The following PHACTR2 variants were observed in gnomAD, a reference collection of about 807,000 sequenced individuals.
The protein encoded by PHACTR2 is chromosome 6 open reading frame 56.
Under a neutral mutation model 76.0 loss-of-function variants are expected in PHACTR2, and 30 were observed. The observed-to-expected ratio is 0.39, with a 90% CI of 0.30 to 0.54. The LOEUF (loss-of-function observed/expected upper bound fraction) is 0.54, where lower values mean the gene tolerates loss of function less well. Ranked by LOEUF, PHACTR2 falls within the 20% of genes least tolerant of loss-of-function variation. PHACTR2 has a pLI of 0.61. For synonymous variants in PHACTR2, 292 were observed against 292.5 expected (o/e 1.00, Z 0.02); for missense variants, 696 against 781.1 (o/e 0.89, Z 1.30).
chr6:143,724,252 C>T (rs1778507340), intron 2 of PHACTR2, among the ~76,000 whole-genome samples: 1 of 152,178 alleles, frequency 6.6e-6, no homozygotes, highest in East Asian at 1.9e-4. Context: ...TTGCCTCAGC[C>T]TCCCGAGTAG....
rs1398014275 is a variant in PHACTR2 at position 143,816,015 on chromosome 6, T to C, written c.1923-7659T>C. ...AATTCCATAACTTAAAAATAGCTTT[T>C]CCCCCATTCCCTCCCTCTCAACAGT... On this transcript the variant is annotated intron_variant, in intron 12 of 12. Coordinates refer to ENST00000440869, the MANE Select transcript of PHACTR2 (RefSeq NM_001100164.2). This position sits in a 1 kb window ranked among gnomAD's most constrained non-coding sequence, Gnocchi z 4.5. 1.3e-5 allele frequency among the ~76,000 whole-genome samples: 2 copies of C among 151,950 alleles called. No individual in the cohort carries two copies. The highest frequency in any genetic ancestry group is 2.9e-5 in the Non-Finnish European group (2 of 67,970).
intron 1 of PHACTR2, among the ~76,000 whole-genome samples, chr6:143,587,598 G>C (rs9496686): frequency 0.7 from 106,806 of 152,010 alleles, 37,930 homozygotes; most frequent in Middle Eastern, 0.8. Flanking sequence ...AGGTGAGATA[G>C]TTTTTTGTGG....
chr6:143,721,679 C>T (rs1434937192), intron 2 of PHACTR2, among the ~76,000 whole-genome samples: 2 of 151,646 alleles, frequency 1.3e-5, no homozygotes, highest in African/African-American at 4.8e-5. Flanking sequence ...GTGTGTATCT[C>T]CTAATTACAT....
intron 1 of PHACTR2, among the ~76,000 whole-genome samples, chr6:143,628,701 CATT>C (rs1289867938): frequency 6.6e-6 from 1 of 151,622 alleles, no homozygotes; most frequent in African/African-American, 2.4e-5. Context: ...TATAAGGTAC[CATT>C]TATAGGCTCT....
chr6:143,735,260 A>T (rs1003903386), intron 2 of PHACTR2, among the ~76,000 whole-genome samples: 1 of 152,140 alleles, frequency 6.6e-6, no homozygotes, highest in African/African-American at 2.4e-5. Flanking sequence ...GACAGGGCGT[A>T]AGAGGCTATA....
rs1469041241 is a variant in PHACTR2 at position 143,829,886 on chromosome 6, T to C, written c.*6197T>C. 6.6e-6 allele frequency: 1 copy of C among 152,218 alleles called. No individual in the cohort carries two copies. Among genetic ancestry groups the C allele is most frequent in the Non-Finnish European group, 1.5e-5 (1 of 68,034 alleles). 9.4% of individuals were successfully genotyped at this position (152,218 alleles called of 1,614,324 possible). A position where few individuals can be genotyped will look rare whatever the true frequency, so the allele number is the denominator to read the frequency against. On this transcript the variant is annotated 3_prime_UTR_variant, in exon 13 of 13. Coordinates refer to ENST00000440869, the MANE Select transcript of PHACTR2 (RefSeq NM_001100164.2). ...GCAGTATTTTTTTTTTAAGAATAAATTGTAAGGAGCAAATAAGGCAGAATG... is the reference window on the plus strand; with the variant it reads ...GCAGTATTTTTTTTTTAAGAATAAACTGTAAGGAGCAAATAAGGCAGAATG...
At chr6:143,670,951 T>C (rs1374395038) in intron 1 of PHACTR2, among the ~76,000 whole-genome samples, 1 of 149,474 alleles carries the variant, frequency 6.7e-6, no homozygotes, top group Non-Finnish European at 1.5e-5. Context: ...TGAAATGGAG[T>C]CTCGCTCTGC....
At position 143,684,705 on chromosome 6, in the gene PHACTR2, A is replaced by G. The variant is rs1424907665; in HGVS notation, c.46+6496A>G. On this transcript the variant is annotated intron_variant, in intron 1 of 12. Transcript: ENST00000440869. This position sits in a 1 kb window ranked among gnomAD's most constrained non-coding sequence, Gnocchi z 4.3. ...CATAGCCTCGTGAGAATTAGAAGTCACTTCCTCTGGGTGAGGCAGCTAGCT... is the reference window on the plus strand; with the variant it reads ...CATAGCCTCGTGAGAATTAGAAGTCGCTTCCTCTGGGTGAGGCAGCTAGCT... Among the ~76,000 whole-genome samples, 1 of 152,238 alleles carries G rather than the reference A, an allele frequency of 6.6e-6. No homozygotes were observed. Among genetic ancestry groups the G allele is most frequent in the Non-Finnish European group, 1.5e-5 (1 of 68,038 alleles).
At chr6:143,630,890 A>G (rs1222556931) in intron 1 of PHACTR2, among the ~76,000 whole-genome samples, 3 of 152,222 alleles carry the variant, frequency 2.0e-5, no homozygotes, top group African/African-American at 7.2e-5. Flanking sequence ...TCTCACAAAA[A>G]GTCATTCCTA....
rs994885732 is a variant in PHACTR2 at position 143,652,809 on chromosome 6, T to C, written c.13+44487T>C. Among the ~76,000 whole-genome samples the C allele has an allele frequency of 7.9e-5, 12 of 152,126 alleles. No homozygotes were observed. The highest frequency in any genetic ancestry group is 7.4e-5 in the Non-Finnish European group (5 of 68,004). ...ACACCTGGACCGCCTGCTCTGGTCA[T>C]GTGTGTGTGTGATCTATAATAGGGT... On this transcript the variant is annotated intron_variant, in intron 1 of 11. Coordinates refer to the PHACTR2 transcript ENST00000305766. This position sits in a 1 kb window ranked among gnomAD's most constrained non-coding sequence, Gnocchi z 4.5.
intron 6 of PHACTR2, among the ~76,000 whole-genome samples, chr6:143,771,198 A>ATATATATATATGTGTG: frequency 6.6e-5 from 3 of 45,510 alleles, no homozygotes; most frequent in African/African-American, 3.3e-4. Context: ...ATGTGTGTAT[A>ATATATATATATGTGTG]TATATATATA....
At chr6:143,771,215 T>TATAC (rs1562300938) in intron 6 of PHACTR2, among the ~76,000 whole-genome samples, 16 of 101,272 alleles carry the variant, frequency 1.6e-4, no homozygotes, top group Middle Eastern at 4.4e-3. Flanking sequence ...TATATATATA[T>TATAC]ATATATATAT....
Position 143,652,618 on chromosome 6 carries a change from G to A in PHACTR2, c.13+44296G>A, listed in dbSNP as rs1776784476. ...TTTCAGATCTTATTAAAAAGCTCAG[G>A]GTTTCGGGAATCCGACTGTTCTGCA... On this transcript the variant is annotated intron_variant, in intron 1 of 11. Transcript: ENST00000305766. This position sits in a 1 kb window ranked among gnomAD's most constrained non-coding sequence, Gnocchi z 4.5. 6.6e-6 allele frequency among the ~76,000 whole-genome samples: 1 copy of A among 152,192 alleles called. No individual in the cohort carries two copies. The highest frequency in any genetic ancestry group is 1.5e-5 in the Non-Finnish European group (1 of 68,038).
rs757968601 is a variant in PHACTR2, at chr6:143,671,895, C to A, written c.14-40121C>A. ...CCATACAATGGAAGGCAACCTAGAACAAAAAGGAACAAAATACAGATACAC... is the reference window on the plus strand; with the variant it reads ...CCATACAATGGAAGGCAACCTAGAAAAAAAAGGAACAAAATACAGATACAC... On this transcript the variant is annotated intron_variant, in intron 1 of 11. Coordinates refer to the PHACTR2 transcript ENST00000305766. The surrounding 1 kb of genome is among the most constrained non-coding windows in gnomAD (Gnocchi z 4.6). 1.3e-5 allele frequency among the ~76,000 whole-genome samples: 2 copies of A among 151,642 alleles called. No individual in the cohort carries two copies. Among genetic ancestry groups the A allele is most frequent in the Non-Finnish European group, 2.9e-5 (2 of 67,868 alleles).
intron 2 of PHACTR2, 40 bp downstream of exon 2, chr6:143,712,223 T>A: frequency 7.8e-7 from 1 of 1,282,876 alleles, no homozygotes; most frequent in Non-Finnish European, 1.0e-6. Context: ...GGATAAATTG[T>A]AAAACGTTTT....
At position 143,807,135 on chromosome 6, in the gene PHACTR2, T is replaced by C. The variant is rs765854197; in HGVS notation, c.1922+2T>C. The C allele has an allele frequency of 6.3e-7, 1 of 1,578,158 alleles. No homozygotes were observed. Among genetic ancestry groups the C allele is most frequent in the Non-Finnish European group, 8.7e-7 (1 of 1,151,860 alleles). ...TGAAGAGAGTCGACAGTTTACAAGG[T>C]AGGTGACAAAATGCAGCTTAGAAAT... is the stretch of plus-strand genomic sequence containing the variant. On this transcript the variant is annotated splice_donor_variant, in intron 12 of 12. Transcript: ENST00000440869. LOFTEE classifies it high-confidence loss of function. This position sits in a 1 kb window ranked among gnomAD's most constrained non-coding sequence, Gnocchi z 5.5.
At chr6:143,766,313 C>G (rs1779562296) in intron 6 of PHACTR2, among the ~76,000 whole-genome samples, 1 of 152,182 alleles carries the variant, frequency 6.6e-6, no homozygotes, top group Non-Finnish European at 1.5e-5. Context: ...TTCAGTACTT[C>G]TAGACAGAAT....
In PHACTR2 at chr6:143,551,769, A is replaced by G. The variant is rs925568245; in HGVS notation, c.217+14562A>G. 3.9e-4 allele frequency among the ~76,000 whole-genome samples: 60 copies of G among 152,200 alleles called. 3 individuals are homozygous for G. Among genetic ancestry groups the G allele is most frequent in the Non-Finnish European group, 5.9e-5 (4 of 68,030 alleles). On this transcript the variant is annotated intron_variant, in intron 1 of 11. Coordinates refer to the PHACTR2 transcript ENST00000367584. ...AATAAGAAGATATGTTAATTTTGTT[A>G]TCTGTGGTTGATATTATAATACCCA...
rs191122352 is a variant in PHACTR2, at chr6:143,751,897, A to G, written c.296-1857A>G. On this transcript the variant is annotated intron_variant, in intron 3 of 12. Transcript: ENST00000440869. The surrounding 1 kb of genome is among the most constrained non-coding windows in gnomAD (Gnocchi z 5.7). Reference sequence around the variant, plus strand: ...CACTCAATACTAGAAAGCCTTTTCAATATACACACCAGCTAATTAATAACT... The same window carrying G: ...CACTCAATACTAGAAAGCCTTTTCAGTATACACACCAGCTAATTAATAACT... 5.9e-5 allele frequency among the ~76,000 whole-genome samples: 9 copies of G among 152,240 alleles called. No homozygotes were observed. The East Asian group carries it at 1.7e-3, about 29-fold the overall frequency.
Sources: gnomAD v4.1 joint callset for allele counts (sites outside exome capture counted in the v4.1 genomes callset) on GRCh38, gnomAD v4.1.1 for gene constraint, Gnocchi (gnomAD v3.1) non-coding constraint, MANE v1.5 for transcripts, NCBI Gene and HGNC (gene_info 2026-07-23, HGNC 2026-07-21) for gene names.